Variants in CCDC73 observed in about 807,000 individuals in gnomAD.
CCDC73 encodes coiled-coil domain containing 73, also known as coiled-coil domain-containing protein 73.
A neutral mutation model predicts 116.5 loss-of-function variants in CCDC73; 95 were observed. The observed-to-expected ratio is 0.82, with a 90% CI of 0.69 to 0.97. The LOEUF is 0.97. Ranked by LOEUF, CCDC73 falls within the 50% of genes least tolerant of loss-of-function variation. The probability of loss-of-function intolerance (pLI) is 0.00; values close to 1 mark genes in which losing one functional copy is unlikely to be tolerated. For synonymous variants in CCDC73, 398 were observed against 401.3 expected, an observed-to-expected ratio of 0.99 and a Z score of 0.10; for missense variants, 1,066 against 1,206.8, an observed-to-expected ratio of 0.88 and a Z score of 1.73.
At chr11:32,788,045 C>G (rs1850643250) in intron 1 of CCDC73, among the ~76,000 whole-genome samples, 2 of 152,196 alleles carry the variant, frequency 1.3e-5, no homozygotes, top group Non-Finnish European at 2.9e-5. Context: ...CAAAAGTTGC[C>G]TTATCCGTTA....
Position 32,614,673 on chromosome 11 carries a change from T to G in CCDC73, c.1645A>C (p.Lys549Gln), listed in dbSNP as rs1175213005. ...VVLDTAIETE[K>Q]IHLERTRGLD... ...CCTCTGGTTCTTTCTAGATGTATTTTTTCTGTTTCTATTGCTGTATCTAAC... is the reference window on the plus strand; with the variant it reads ...CCTCTGGTTCTTTCTAGATGTATTTGTTCTGTTTCTATTGCTGTATCTAAC... Residue 549 changes from lysine to glutamine, a missense_variant, in exon 16 of 18, where the codon AAA becomes CAA. Transcript: ENST00000335185. 1 of 1,613,120 alleles carries G rather than the reference T, an allele frequency of 6.2e-7. No individual in the cohort carries two copies. The highest frequency in any genetic ancestry group is 1.7e-5 in the Admixed American group (1 of 59,946).
chr11:32,690,678 C>T (rs952154130), intron 6 of CCDC73, among the ~76,000 whole-genome samples: 3 of 152,148 alleles, frequency 2.0e-5, no homozygotes, highest in African/African-American at 7.2e-5. Flanking sequence ...ATGCTTACTT[C>T]CCCGCCCGCC....
At position 32,602,736 on chromosome 11, in the gene CCDC73, C is replaced by A. The variant is rs981143790; in HGVS notation, c.*75G>T. The A allele has an allele frequency of 8.0e-6, 9 of 1,130,812 alleles. No homozygotes were observed. In the South Asian group the frequency reaches 1.2e-4, roughly 15 times the overall value. The allele number at this position is 1,130,812 out of a possible 1,614,324, so 70.0% of individuals were successfully genotyped here. A position where few individuals can be genotyped will look rare whatever the true frequency, so the allele number is the denominator to read the frequency against. ...ACAAACTGTAGAGCTTTAAATACAA[C>A]AGTCATTTTATTCTAGTAAAAACTA... is the stretch of plus-strand genomic sequence containing the variant. On this transcript the variant is annotated 3_prime_UTR_variant, in exon 18 of 18. Transcript: ENST00000335185.
intron 12 of CCDC73, among the ~76,000 whole-genome samples, chr11:32,642,747 C>T (rs140055011): frequency 6.6e-6 from 1 of 151,810 alleles, no homozygotes; most frequent in African/African-American, 2.4e-5. Flanking sequence ...AAGTAAATTT[C>T]TATAAAAAGA....
intron 1 of CCDC73, among the ~76,000 whole-genome samples, chr11:32,784,283 C>T (rs1206718692): frequency 6.6e-6 from 1 of 151,306 alleles, no homozygotes; most frequent in East Asian, 1.9e-4. Context: ...GAGCCAAGAT[C>T]GCGCCACTGC....
chr11:32,676,950 T>TA (rs1409878323), intron 7 of CCDC73, among the ~76,000 whole-genome samples: 2 of 152,234 alleles, frequency 1.3e-5, no homozygotes, highest in Non-Finnish European at 2.9e-5. Flanking sequence ...GAACTACTCT[T>TA]ACCATACCTG....
chr11:32,788,768 G>A (rs1021715123), intron 1 of CCDC73, among the ~76,000 whole-genome samples: 12 of 152,110 alleles, frequency 7.9e-5, no homozygotes, highest in African/African-American at 2.4e-4. Context: ...GCTTGGCCGA[G>A]TTAATCTTAA....
At chr11:32,811,080 A>AAC in the CCDC73 span, among the ~76,000 whole-genome samples, 1 of 119,936 alleles carries the variant, frequency 8.3e-6, no homozygotes, top group Admixed American at 7.4e-5. Flanking sequence ...ACAACAACAA[A>AAC]AAAAAAAAAC....
At chr11:32,639,638 AG>A (rs1855714754) in intron 13 of CCDC73, among the ~76,000 whole-genome samples, 1 of 151,966 alleles carries the variant, frequency 6.6e-6, no homozygotes, top group Non-Finnish European at 1.5e-5. Flanking sequence ...TAATAGAGAC[AG>A]GGTTTCACCA....
the CCDC73 span, among the ~76,000 whole-genome samples, chr11:32,816,280 G>A: frequency 3.9e-5 from 6 of 152,148 alleles, no homozygotes; most frequent in African/African-American, 1.4e-4. Context: ...CTGAAACCAT[G>A]GAAATGATCA....
chr11:32,776,659 T>C (rs941191194), intron 1 of CCDC73, among the ~76,000 whole-genome samples: 18 of 152,080 alleles, frequency 1.2e-4, no homozygotes, highest in Non-Finnish European at 2.1e-4. Context: ...TCTAAATCCA[T>C]GTTGTGTGCT....
intron 1 of CCDC73, among the ~76,000 whole-genome samples, chr11:32,788,915 T>C (rs1438243607): frequency 6.6e-6 from 1 of 151,932 alleles, no homozygotes. Flanking sequence ...GTTCAAAGAG[T>C]TCAAAGTCAT....
Position 32,602,812 on chromosome 11 carries a change from TA to T in CCDC73, c.3238del (p.Ter1080AsnfsTer8). The T allele has an allele frequency of 6.4e-7, 1 of 1,572,672 alleles. No homozygotes were observed. Among genetic ancestry groups the T allele is most frequent in the Non-Finnish European group, 8.6e-7 (1 of 1,157,338 alleles). On this transcript the variant is annotated frameshift_variant and stop_lost, in exon 18 of 18. Coordinates refer to ENST00000335185, the MANE Select transcript of CCDC73 (RefSeq NM_001008391.4). LOFTEE classifies it high-confidence loss of function. ...ETLEKNNRLK[*>X] Reference sequence around the variant, plus strand: ...CACTACTGAAAGCACTTATCTACATTATTTTAATCTGTTGTTTTTTTCCAAC... The same window carrying T: ...CACTACTGAAAGCACTTATCTACATTTTTTAATCTGTTGTTTTTTTCCAAC...
chr11:32,619,600 G>A (rs1855504651), intron 14 of CCDC73, among the ~76,000 whole-genome samples: 2 of 152,064 alleles, frequency 1.3e-5, no homozygotes, highest in African/African-American at 4.8e-5. Context: ...TTAAGCTCAG[G>A]AGTTTGAGGC....
the CCDC73 span, among the ~76,000 whole-genome samples, chr11:32,824,005 CT>C: frequency 6.6e-6 from 1 of 152,204 alleles, no homozygotes; most frequent in Non-Finnish European, 1.5e-5. Context: ...CATGATTCTC[CT>C]GCCTCAGCCT....
chr11:32,759,771 A>G (rs946043737), intron 2 of CCDC73, among the ~76,000 whole-genome samples: 2 of 152,238 alleles, frequency 1.3e-5, no homozygotes, highest in Non-Finnish European at 2.9e-5. Flanking sequence ...AACCTTAACA[A>G]AAATGTAATC....
intron 9 of CCDC73, among the ~76,000 whole-genome samples, chr11:32,655,586 A>G (rs1259460073): frequency 6.6e-6 from 1 of 152,184 alleles, no homozygotes; most frequent in Non-Finnish European, 1.5e-5. Context: ...ATATGACTGG[A>G]GCTAATGTGT....
At chr11:32,761,621 T>A (rs1231027015) in intron 1 of CCDC73, among the ~76,000 whole-genome samples, 1 of 152,188 alleles carries the variant, frequency 6.6e-6, no homozygotes, top group Admixed American at 6.5e-5. Context: ...ACTATTGTTT[T>A]TATTTTAGCC....
chr11:32,679,976 A>ATGT lies in CCDC73; in HGVS notation c.429+3559_429+3560insACA, dbSNP rs1405388997. The ATGT allele has an allele frequency of 4.6e-5, 7 of 152,354 alleles. 1 individual carries two copies. The highest frequency in any genetic ancestry group is 1.7e-4 in the African/African-American group (7 of 41,588). The allele number at this position is 152,354 out of a possible 1,614,324, so 9.4% of individuals were successfully genotyped here. ...CAGTTTCATTGCATTTGTTTGCATG[A>ATGT]CATAATTCTGATTTTCAAACACATT... is the stretch of plus-strand genomic sequence containing the variant. On this transcript the variant is annotated intron_variant, in intron 7 of 17. Coordinates refer to ENST00000335185, the MANE Select transcript of CCDC73 (RefSeq NM_001008391.4).
Sources: gnomAD v4.1 joint callset for allele counts (sites outside exome capture counted in the v4.1 genomes callset) on GRCh38, gnomAD v4.1.1 for gene constraint, MANE v1.5 for transcripts, NCBI Gene and HGNC (gene_info 2026-07-23, HGNC 2026-07-21) for gene names.